ADAMTSL3: variants seen among roughly 807,000 people sequenced by gnomAD.
ADAMTSL3 encodes ADAMTS-like protein 3.
A neutral mutation model predicts 201.7 loss-of-function variants in ADAMTSL3; 128 were observed. The ratio of observed to expected loss-of-function variants is 0.63; its 90% CI spans 0.55 to 0.73. The LOEUF (loss-of-function observed/expected upper bound fraction) is 0.73, where lower values mean the gene tolerates loss of function less well. Among genes scored for constraint, ADAMTSL3 ranks in the 30% least tolerant of loss-of-function variants. The pLI is 0.00. For missense variants in ADAMTSL3, 1,990 were observed against 2,119.6 expected, an observed-to-expected ratio of 0.94 and a Z score of 1.20; for synonymous variants, 738 against 748.4, an observed-to-expected ratio of 0.99 and a Z score of 0.23.
chr15:83,710,373 G>T (rs1234167533), intron 3 of ADAMTSL3, among the ~76,000 whole-genome samples: 1 of 152,070 alleles, frequency 6.6e-6, no homozygotes, highest in African/African-American at 2.4e-5. Context: ...TGACCACTTG[G>T]TTTTCAAATT....
At position 83,654,216 on chromosome 15, in the gene ADAMTSL3, AGC is replaced by A. The variant is rs2061044239; in HGVS notation, c.-87_-86del. The A allele has an allele frequency of 6.6e-6, 1 of 151,374 alleles. No homozygotes were observed. The highest frequency in any genetic ancestry group is 2.0e-4 in the East Asian group (1 of 4,982). The allele number at this position is 151,374 out of a possible 1,614,324, so 9.4% of individuals were successfully genotyped here. ...GGGCGGCTTCTGCCAACTTCTCCCC[AGC>A]GCGCGCCGAGCCCGCGCGGCCCCGG... On this transcript the variant is annotated 5_prime_UTR_variant, in exon 1 of 30. Coordinates refer to ENST00000286744, the MANE Select transcript of ADAMTSL3 (RefSeq NM_207517.3). The surrounding 1 kb of genome is among the most constrained non-coding windows in gnomAD (Gnocchi z 5.3).
intron 27 of ADAMTSL3, 187 bp downstream of exon 27, chr15:84,025,623 T>A: frequency 3.3e-6 from 2 of 597,276 alleles, no homozygotes; most frequent in Non-Finnish European, 5.6e-6. Context: ...TGTCTTCCAG[T>A]ACAAAAGTGA....
At chr15:83,993,371 T>G (rs1361694453) in intron 23 of ADAMTSL3, among the ~76,000 whole-genome samples, 1 of 152,218 alleles carries the variant, frequency 6.6e-6, no homozygotes, top group Non-Finnish European at 1.5e-5. Flanking sequence ...TATAGATGAG[T>G]ACATTAAAAC....
intron 4 of ADAMTSL3, among the ~76,000 whole-genome samples, chr15:83,798,862 A>G (rs1307715538): frequency 6.6e-6 from 1 of 151,778 alleles, no homozygotes; most frequent in Non-Finnish European, 1.5e-5. Context: ...TTTGGCTATA[A>G]TGAAATTAGA....
chr15:83,917,706 T>C (rs563613308), intron 16 of ADAMTSL3, among the ~76,000 whole-genome samples: 21 of 152,296 alleles, frequency 1.4e-4, no homozygotes, highest in African/African-American at 5.1e-4. Context: ...GCTAGGAGTA[T>C]ATATATGGAC....
chr15:83,894,256 T>G (rs916684423), intron 13 of ADAMTSL3, among the ~76,000 whole-genome samples: 1 of 152,188 alleles, frequency 6.6e-6, no homozygotes, highest in Non-Finnish European at 1.5e-5. Flanking sequence ...CTAAACATCA[T>G]CACCCTGTAA....
intron 23 of ADAMTSL3, among the ~76,000 whole-genome samples, chr15:83,993,018 T>G (rs1042325062): frequency 6.6e-6 from 1 of 152,256 alleles, no homozygotes; most frequent in African/African-American, 2.4e-5. Flanking sequence ...ACCCCAGAAC[T>G]CCTGATGAGT....
At position 83,897,887 on chromosome 15, in the gene ADAMTSL3, G is replaced by A. The variant is rs147577719; in HGVS notation, c.1497G>A (p.Arg499=). ...QCTVTCGRGL[R]YRVVLCINHR... ...CAGTGACTTGTGGCCGAGGGTTACG[G>A]TACCGGGTTGTTCTGTGTATTAACC... Residue 499 remains arginine (R), a synonymous_variant, in exon 14 of 30, where the codon CGG becomes CGA. Transcript: ENST00000286744. The A allele has an allele frequency of 6.5e-4, 1,050 of 1,611,826 alleles. 24 individuals carry two copies. The East Asian group carries it at 0.017, about 26-fold the overall frequency.
chr15:83,897,934 G>C lies in ADAMTSL3; in HGVS notation c.1544G>C (p.Gly515Ala). 1 of 1,613,866 alleles carries C rather than the reference G, an allele frequency of 6.2e-7. No homozygotes were observed. The change falls in exon 14 of 30, where the codon GGC becomes GCC. Residue 515 changes from glycine to alanine, a missense_variant. Gly to Ala is a moderately conservative substitution (Grantham distance 60). Transcript: ENST00000286744. ...CINHRGEHVG[G>A]CNPQLKLHIK... Reference sequence around the variant, plus strand: ...AACCACCGCGGAGAGCATGTTGGGGGCTGCAATCCACAACTGAAGTTACAC... The same window carrying C: ...AACCACCGCGGAGAGCATGTTGGGGCCTGCAATCCACAACTGAAGTTACAC...
At chr15:83,957,705 A>C (rs576091817) in intron 19 of ADAMTSL3, among the ~76,000 whole-genome samples, 2 of 152,184 alleles carry the variant, frequency 1.3e-5, no homozygotes, top group Non-Finnish European at 2.9e-5. Context: ...AGTGACTTGA[A>C]AGGGAGAGAA....
At chr15:83,656,556 T>C (rs2141346652) in intron 2 of ADAMTSL3, among the ~76,000 whole-genome samples, 1 of 152,284 alleles carries the variant, frequency 6.6e-6, no homozygotes, top group East Asian at 1.9e-4. Flanking sequence ...CTTACAAAAT[T>C]TCCCAGTTTT....
chr15:84,014,505 A>T (rs1228776100), intron 23 of ADAMTSL3, 37 bp from the exon 24 acceptor site: 6 of 1,586,888 alleles, frequency 3.8e-6, no homozygotes, highest in African/African-American at 1.4e-5. Flanking sequence ...CTGTTCTTAA[A>T]GGAATTGCCT....
intron 7 of ADAMTSL3, among the ~76,000 whole-genome samples, chr15:83,850,653 A>G (rs2064593993): frequency 6.6e-6 from 1 of 152,172 alleles, no homozygotes; most frequent in Non-Finnish European, 1.5e-5. Flanking sequence ...TGTATTCCTC[A>G]GATCACAGCT....
chr15:83,930,976 C>T (rs1405345552), intron 17 of ADAMTSL3, among the ~76,000 whole-genome samples: 2 of 152,194 alleles, frequency 1.3e-5, no homozygotes, highest in African/African-American at 4.8e-5. Context: ...TTTATTTACC[C>T]AAAGGCAAAT....
intron 5 of ADAMTSL3, among the ~76,000 whole-genome samples, chr15:83,811,212 A>T (rs2063690162): frequency 6.6e-6 from 1 of 152,218 alleles, no homozygotes; most frequent in Non-Finnish European, 1.5e-5. Flanking sequence ...TAGGTCATGG[A>T]CATCTTGTGG....
intron 22 of ADAMTSL3, among the ~76,000 whole-genome samples, chr15:83,990,675 C>T (rs1011489477): frequency 1.3e-5 from 2 of 152,164 alleles, no homozygotes; most frequent in African/African-American, 2.4e-5. Context: ...GTGTTTTGGC[C>T]CTACATTAAT....
At chr15:83,793,321 G>A (rs1349001629) in intron 4 of ADAMTSL3, among the ~76,000 whole-genome samples, 1 of 152,148 alleles carries the variant, frequency 6.6e-6, no homozygotes, top group South Asian at 2.1e-4. Context: ...TGCTGAGACC[G>A]GATGTTAAGT....
At chr15:84,022,839 T>C (rs561591014) in intron 26 of ADAMTSL3, among the ~76,000 whole-genome samples, 2 of 152,314 alleles carry the variant, frequency 1.3e-5, no homozygotes, top group East Asian at 3.9e-4. Flanking sequence ...CCCTTAGATA[T>C]ACTATTCTGT....
chr15:83,939,442 G>A (rs1477644506), intron 17 of ADAMTSL3, among the ~76,000 whole-genome samples: 2 of 151,858 alleles, frequency 1.3e-5, no homozygotes, highest in African/African-American at 4.8e-5. Context: ...GTTTTTGTAG[G>A]AATTTTTTCA....
Sources: allele counts gnomAD v4.1 joint callset (sites outside exome capture counted in the v4.1 genomes callset), GRCh38; gene constraint gnomAD v4.1.1; non-coding constraint Gnocchi (gnomAD v3.1); transcripts MANE v1.5; gene names NCBI Gene and HGNC (gene_info 2026-07-23, HGNC 2026-07-21).